The following FAM107B variants were observed in gnomAD, a reference collection of about 807,000 sequenced individuals.
FAM107B encodes the protein family with sequence similarity 107 member B, also known as protein FAM107B.
Under a neutral mutation model 31.5 loss-of-function variants are expected in FAM107B, and 21 were observed. The observed-to-expected ratio is 0.67, with a 90% CI of 0.47 to 0.96. FAM107B has a LOEUF of 0.96. Among genes scored for constraint, FAM107B ranks in the 40% least tolerant of loss-of-function variants. The pLI is 0.00. For synonymous variants in FAM107B, 157 were observed against 141.5 expected, an observed-to-expected ratio of 1.11 and a Z score of -0.78; for missense variants, 452 against 377.1, an observed-to-expected ratio of 1.20 and a Z score of -1.64.
At chr10:14,629,492 AT>A (rs1564607015) in intron 2 of FAM107B, among the ~76,000 whole-genome samples, 2 of 104,300 alleles carry the variant, frequency 1.9e-5, no homozygotes, top group Non-Finnish European at 3.7e-5. Flanking sequence ...AACATATATA[AT>A]ATATATATAT....
intron 2 of FAM107B, among the ~76,000 whole-genome samples, chr10:14,645,396 A>AAGAATGGCT (rs1243084711): frequency 6.6e-6 from 1 of 152,214 alleles, no homozygotes; most frequent in Non-Finnish European, 1.5e-5. Context: ...TGTATACACC[A>AAGAATGGCT]AGAATGGCTT....
chr10:14,618,959 A>C (rs375715467), intron 2 of FAM107B, among the ~76,000 whole-genome samples: 1 of 152,218 alleles, frequency 6.6e-6, no homozygotes, highest in Non-Finnish European at 1.5e-5. Flanking sequence ...ACACGCAGGA[A>C]GAAGATGGTC....
intron 2 of FAM107B, among the ~76,000 whole-genome samples, chr10:14,552,226 G>C (rs1849326026): frequency 6.6e-6 from 1 of 151,836 alleles, no homozygotes; most frequent in African/African-American, 2.4e-5. Context: ...GAAGGAAGGA[G>C]GATGTTGCAA....
chr10:14,558,606 G>A (rs1394829858), intron 2 of FAM107B, among the ~76,000 whole-genome samples: 2 of 151,034 alleles, frequency 1.3e-5, no homozygotes, highest in African/African-American at 2.4e-5. Flanking sequence ...TTTTTTAACT[G>A]TATTCCTTCT....
At chr10:14,539,212 G>A (rs1847932717) in intron 2 of FAM107B, among the ~76,000 whole-genome samples, 1 of 152,232 alleles carries the variant, frequency 6.6e-6, no homozygotes. Context: ...AGTGTGGACA[G>A]GGAAGGGAGA....
chr10:14,671,872 T>TAAAAAAAAAAAAAAAAA (rs1294969542), intron 1 of FAM107B, among the ~76,000 whole-genome samples: 1 of 33,536 alleles, frequency 3.0e-5, no homozygotes, highest in African/African-American at 6.7e-5. Context: ...CCCTTTTATT[T>TAAAAAAAAAAAAAAAAA]AAAAAAAAAA....
chr10:14,588,723 C>T (rs1396696260), intron 2 of FAM107B, among the ~76,000 whole-genome samples: 5 of 152,188 alleles, frequency 3.3e-5, no homozygotes, highest in South Asian at 2.1e-4. Context: ...ACCCCACACA[C>T]GCTGTCTCCC....
intron 1 of FAM107B, among the ~76,000 whole-genome samples, chr10:14,726,521 C>T (rs555212708): frequency 6.6e-6 from 1 of 152,118 alleles, no homozygotes; most frequent in Non-Finnish European, 1.5e-5. Flanking sequence ...TTGTCAGGTT[C>T]CCCAAGGCTA....
chr10:14,568,215 C>T (rs781122414), intron 2 of FAM107B, among the ~76,000 whole-genome samples: 126 of 152,314 alleles, frequency 8.3e-4, no homozygotes, highest in Admixed American at 1.9e-3. Context: ...AACCTAAGCC[C>T]TGCCTCCAGA....
rs1554757965 is a variant in FAM107B, at chr10:14,767,020, G to GTATATA, written c.411+7232_411+7233insTATATA. Among the ~76,000 whole-genome samples the GTATATA allele has an allele frequency of 8.6e-4, 26 of 30,402 alleles. 1 individual carries two copies. Among genetic ancestry groups the GTATATA allele is most frequent in the South Asian group, 2.4e-3 (1 of 424 alleles). The allele number at this position is 30,402 out of a possible 152,430, so 19.9% of individuals were successfully genotyped here. ...AACTGCAGAACAATATCCCTGATGT[G>GTATATA]TATGTATATATATATATATATATAT... On this transcript the variant is annotated intron_variant, in intron 1 of 4. Transcript: ENST00000181796.
intron 1 of FAM107B, among the ~76,000 whole-genome samples, chr10:14,740,065 C>T (rs1856400866): frequency 6.6e-6 from 1 of 152,226 alleles, no homozygotes; most frequent in Non-Finnish European, 1.5e-5. Context: ...GTGGCAATTT[C>T]TTACAAAGCT....
chr10:14,632,304 CAAAAAAAAAAAA>C (rs60289509), intron 2 of FAM107B, among the ~76,000 whole-genome samples: 6 of 56,596 alleles, frequency 1.1e-4, no homozygotes, highest in African/African-American at 4.5e-4. Context: ...GACTCTGTCT[CAAAAAAAAAAAA>C]AAAAAAAAAA....
chr10:14,652,397 C>T (rs1185837074), intron 2 of FAM107B, among the ~76,000 whole-genome samples: 2 of 152,158 alleles, frequency 1.3e-5, no homozygotes, highest in Admixed American at 1.3e-4. Flanking sequence ...TGTCCAGATA[C>T]GTATTGGTTT....
intron 2 of FAM107B, chr10:14,571,809 G>A (rs1851250953): frequency 1.0e-6 from 1 of 985,288 alleles, no homozygotes; most frequent in Non-Finnish European, 1.2e-6. Context: ...GGGCATTCAA[G>A]GTGGTGAAAA....
rs1465186634 is a variant in FAM107B at position 14,742,061 on chromosome 10, T to C, written c.411+32192A>G. Among the ~76,000 whole-genome samples the C allele has an allele frequency of 3.3e-5, 5 of 152,150 alleles. No homozygotes were observed. In the East Asian group the frequency reaches 9.7e-4, roughly 29 times the overall value. On this transcript the variant is annotated intron_variant, in intron 1 of 4. Coordinates refer to ENST00000181796, the MANE Select transcript of FAM107B (RefSeq NM_031453.4). ...ATTTTGCCCATGAATTAACAAGTGC[T>C]ACAGAATTAGCTGCAGGTAATATTT...
chr10:14,737,265 TGA>T (rs1856321696), intron 1 of FAM107B, among the ~76,000 whole-genome samples: 1 of 149,170 alleles, frequency 6.7e-6, no homozygotes, highest in Non-Finnish European at 1.5e-5. Context: ...AAAAAGGAGG[TGA>T]GAGAGAAAGA....
At chr10:14,723,480 T>A in intron 1 of FAM107B, 1 of 575,104 alleles carries the variant, frequency 1.7e-6, no homozygotes, top group South Asian at 1.5e-5. Flanking sequence ...GTCACGGGTG[T>A]TTACAGGAAA....
At chr10:14,674,990 C>T (rs548002810) in intron 1 of FAM107B, among the ~76,000 whole-genome samples, 1 of 152,288 alleles carries the variant, frequency 6.6e-6, no homozygotes, top group South Asian at 2.1e-4. Context: ...TTGTGCTTGT[C>T]CACGTATGTT....
At chr10:14,580,931 T>G (rs1233177752) in intron 2 of FAM107B, among the ~76,000 whole-genome samples, 1 of 152,212 alleles carries the variant, frequency 6.6e-6, no homozygotes, top group Non-Finnish European at 1.5e-5. Context: ...CCTCCAGAAC[T>G]CTTACTCTGT....
Sources: gnomAD v4.1 joint callset for allele counts (sites outside exome capture counted in the v4.1 genomes callset) on GRCh38, gnomAD v4.1.1 for gene constraint, MANE v1.5 for transcripts, NCBI Gene and HGNC (gene_info 2026-07-23, HGNC 2026-07-21) for gene names.